The following TRMT11 variants were observed in gnomAD, a reference collection of about 807,000 sequenced individuals.
TRMT11 encodes tRNA methyltransferase 11.
TRMT11 carries 53 observed loss-of-function variants against 62.8 expected under a neutral mutation model. That is an observed-to-expected ratio of 0.84 (90% confidence interval 0.68 to 1.06). The LOEUF (loss-of-function observed/expected upper bound fraction) is 1.06. Among genes scored for constraint, TRMT11 ranks in the 50% least tolerant of loss-of-function variants. The probability of loss-of-function intolerance (pLI) is 0.00; values close to 1 mark genes in which losing one functional copy is unlikely to be tolerated. For missense variants in TRMT11, 556 were observed against 553.4 expected (o/e 1.00, Z -0.05); for synonymous variants, 188 against 190.3 (o/e 0.99, Z 0.10).
At chr6:126,021,719 A>G (rs944906515) in intron 12 of TRMT11, among the ~76,000 whole-genome samples, 16 of 152,366 alleles carry the variant, frequency 1.1e-4, no homozygotes, top group Admixed American at 7.8e-4. Context: ...AGGGCCCAAC[A>G]CATTCTCTCT....
chr6:126,239,767 TG>T, the TRMT11 span, among the ~76,000 whole-genome samples: 4 of 152,328 alleles, frequency 2.6e-5, no homozygotes, highest in South Asian at 6.2e-4. Flanking sequence ...CTTGCTAGAC[TG>T]GGGAAGTTCT....
At chr6:126,252,289 G>T in the TRMT11 span, among the ~76,000 whole-genome samples, 1 of 152,152 alleles carries the variant, frequency 6.6e-6, no homozygotes, top group Non-Finnish European at 1.5e-5. Context: ...ATGTGACTTG[G>T]GATGACTGAG....
At chr6:126,266,295 T>C in the TRMT11 span, among the ~76,000 whole-genome samples, 1 of 152,176 alleles carries the variant, frequency 6.6e-6, no homozygotes, top group Non-Finnish European at 1.5e-5. Flanking sequence ...GCGCTCAGAA[T>C]GTGAAGAGTG....
At chr6:126,125,942 C>T (rs1777713722) in intron 21 of TRMT11, among the ~76,000 whole-genome samples, 1 of 152,124 alleles carries the variant, frequency 6.6e-6, no homozygotes, top group Admixed American at 6.6e-5. Context: ...ATTCTGATTT[C>T]TCGCTTCTTT....
At chr6:126,163,534 C>A (rs971240148) in intron 21 of TRMT11, among the ~76,000 whole-genome samples, 5 of 152,110 alleles carry the variant, frequency 3.3e-5, no homozygotes, top group Non-Finnish European at 7.4e-5. Flanking sequence ...TGTGTCTCTG[C>A]CAGGTTTTGG....
chr6:125,996,178 G>T, intron 3 of TRMT11, 138 bp downstream of exon 3: 1 of 565,034 alleles, frequency 1.8e-6, no homozygotes, highest in Non-Finnish European at 3.1e-6. Flanking sequence ...GGTGGCGGTG[G>T]GGGACCAGAG....
chr6:126,042,112 G>C (rs1775896424), downstream of TRMT11, among the ~76,000 whole-genome samples: 1 of 152,180 alleles, frequency 6.6e-6, no homozygotes, highest in South Asian at 2.1e-4. Flanking sequence ...CTCTAAAACA[G>C]AGTGGTTTGA....
intron 17 of TRMT11, among the ~76,000 whole-genome samples, chr6:126,076,636 C>T (rs952512788): frequency 1.3e-5 from 2 of 152,144 alleles, no homozygotes; most frequent in African/African-American, 4.8e-5. Context: ...TCTCTAAACT[C>T]GAATAACTAC....
downstream of TRMT11, among the ~76,000 whole-genome samples, chr6:126,041,587 G>A (rs1443203612): frequency 6.6e-6 from 1 of 152,014 alleles, no homozygotes. Context: ...GACTTTTTTG[G>A]GAAATGATCT....
chr6:126,173,964 A>G (rs1182803036), upstream of TRMT11, among the ~76,000 whole-genome samples: 4 of 152,116 alleles, frequency 2.6e-5, no homozygotes, highest in Non-Finnish European at 5.9e-5. Context: ...TTCCTTCTCA[A>G]CAGATAGTGT....
At chr6:125,991,358 C>T (rs548744241) in intron 1 of TRMT11, among the ~76,000 whole-genome samples, 1 of 152,196 alleles carries the variant, frequency 6.6e-6, no homozygotes, top group African/African-American at 2.4e-5. Context: ...TTAAGCCATC[C>T]TCCCACCTTA....
chr6:126,021,376 C>G, intron 12 of TRMT11, 96 bp downstream of exon 12: 1 of 1,397,930 alleles, frequency 7.2e-7, no homozygotes, highest in Non-Finnish European at 9.8e-7. Flanking sequence ...AAATGTTATT[C>G]CTTGATATTT....
chr6:126,178,829 A>G (rs1778422554), intron 1 of TRMT11, among the ~76,000 whole-genome samples: 1 of 152,126 alleles, frequency 6.6e-6, no homozygotes, highest in South Asian at 2.1e-4. Flanking sequence ...TTACATTATC[A>G]GTGTAAACAT....
At chr6:126,029,080 T>C (rs1399854811) in intron 12 of TRMT11, among the ~76,000 whole-genome samples, 1 of 152,176 alleles carries the variant, frequency 6.6e-6, no homozygotes, top group African/African-American at 2.4e-5. Flanking sequence ...CTTTTATAAT[T>C]CTTGCATGAG....
At chr6:126,150,606 A>G (rs141995026) in intron 21 of TRMT11, among the ~76,000 whole-genome samples, 131 of 152,316 alleles carry the variant, frequency 8.6e-4, no homozygotes, top group African/African-American at 3.1e-3. Flanking sequence ...TCTATCATCT[A>G]TGAAGCTCAG....
At chr6:126,076,996 T>C (rs527771307) in intron 17 of TRMT11, among the ~76,000 whole-genome samples, 1 of 152,326 alleles carries the variant, frequency 6.6e-6, no homozygotes, top group East Asian at 1.9e-4. Flanking sequence ...ATCTGAGTAA[T>C]GTTTTCTCTG....
At chr6:126,203,919 TTGTGTGTGTG>T (rs71680476), downstream of TRMT11, among the ~76,000 whole-genome samples, 15 of 144,490 alleles carry the variant, frequency 1.0e-4, no homozygotes, top group African/African-American at 3.3e-4. Flanking sequence ...GATCATCATT[TTGTGTGTGTG>T]TGTGTGTGTG....
At chr6:126,178,980 G>A (rs960957406) in intron 1 of TRMT11, among the ~76,000 whole-genome samples, 4 of 151,906 alleles carry the variant, frequency 2.6e-5, no homozygotes, top group African/African-American at 9.7e-5. Context: ...ATATAGGAGG[G>A]GTAATTTTAG....
chr6:126,118,651 C>A (rs1019115425), intron 21 of TRMT11, among the ~76,000 whole-genome samples: 2 of 152,040 alleles, frequency 1.3e-5, no homozygotes, highest in African/African-American at 4.8e-5. Context: ...TATGACTCAA[C>A]AATTACATTC....
Sources: allele counts gnomAD v4.1 joint callset (sites outside exome capture counted in the v4.1 genomes callset), GRCh38; gene constraint gnomAD v4.1.1; transcripts MANE v1.5; gene names NCBI Gene and HGNC (gene_info 2026-07-23, HGNC 2026-07-21).